The following GALNT13 variants were observed in gnomAD, a reference collection of about 807,000 sequenced individuals.
GALNT13 encodes polypeptide N-acetylgalactosaminyltransferase 13.
A neutral mutation model predicts 64.2 loss-of-function variants in GALNT13; 28 were observed. That is an observed-to-expected ratio of 0.44 (90% CI 0.32 to 0.60). The LOEUF (loss-of-function observed/expected upper bound fraction) is 0.60, where lower values mean the gene tolerates loss of function less well. Ranked by LOEUF, GALNT13 falls within the 20% of genes least tolerant of loss-of-function variation. GALNT13 has a pLI of 0.05. For missense variants in GALNT13, 577 were observed against 669.8 expected, an observed-to-expected ratio of 0.86 and a Z score of 1.53; for synonymous variants, 214 against 224.6, an observed-to-expected ratio of 0.95 and a Z score of 0.42.
chr2:154,053,670 A>G (rs999395161), intron 3 of GALNT13, among the ~76,000 whole-genome samples: 1 of 152,204 alleles, frequency 6.6e-6, no homozygotes, highest in South Asian at 2.1e-4. Flanking sequence ...AGCAATATCT[A>G]GGTATGTTGC....
the GALNT13 span, among the ~76,000 whole-genome samples, chr2:153,594,627 G>A: frequency 6.6e-6 from 1 of 151,874 alleles, no homozygotes; most frequent in Non-Finnish European, 1.5e-5. Flanking sequence ...CTTCCTAACT[G>A]CAGACCTATA....
the GALNT13 span, among the ~76,000 whole-genome samples, chr2:153,839,923 T>C: frequency 6.6e-6 from 1 of 152,018 alleles, no homozygotes; most frequent in African/African-American, 2.4e-5. Flanking sequence ...ACTGACTGTT[T>C]ATAGAGCCAG....
intron 8 of GALNT13, among the ~76,000 whole-genome samples, chr2:154,273,617 T>G (rs1188173318): frequency 1.3e-5 from 2 of 152,220 alleles, no homozygotes; most frequent in Admixed American, 1.3e-4. Flanking sequence ...ATCTTTTCTA[T>G]ATGTAGATAT....
At chr2:153,425,691 A>T in the GALNT13 span, among the ~76,000 whole-genome samples, 1 of 151,886 alleles carries the variant, frequency 6.6e-6, no homozygotes, top group African/African-American at 2.4e-5. Context: ...AATGCTATAC[A>T]TGTAAAAAGT....
the GALNT13 span, among the ~76,000 whole-genome samples, chr2:153,176,884 T>TA: frequency 3.3e-5 from 5 of 151,682 alleles, no homozygotes; most frequent in Non-Finnish European, 7.4e-5. Flanking sequence ...TTTTAAATGA[T>TA]AAAAAAAACT....
chr2:153,123,756 A>G, the GALNT13 span, among the ~76,000 whole-genome samples: 1 of 152,222 alleles, frequency 6.6e-6, no homozygotes, highest in Non-Finnish European at 1.5e-5. Context: ...GAGCCTTCAT[A>G]TTAATTGATA....
rs527755616 is a variant in GALNT13, at chr2:153,906,245, A to T, written c.-105+5238A>T. ...AATTTTTCTTTTTTTCTTTTTTTTT[A>T]AATTTTATTATTATTATACTTTAAG... On this transcript the variant is annotated intron_variant, in intron 2 of 12. Transcript: ENST00000392825. 5.4e-5 allele frequency among the ~76,000 whole-genome samples: 8 copies of T among 147,176 alleles called. No individual in the cohort carries two copies. The South Asian group carries it at 8.6e-4, about 16-fold the overall frequency.
At chr2:153,345,719 G>GTCCA in the GALNT13 span, among the ~76,000 whole-genome samples, 7 of 80,020 alleles carry the variant, frequency 8.7e-5, no homozygotes, top group East Asian at 3.6e-4. Context: ...CTCTCTTTCT[G>GTCCA]TCCTTCCTTC....
chr2:153,214,469 ACT>A, the GALNT13 span, among the ~76,000 whole-genome samples: 2 of 152,024 alleles, frequency 1.3e-5, no homozygotes, highest in African/African-American at 4.8e-5. Context: ...AACTGTACCC[ACT>A]CTCTATAAAA....
chr2:153,495,630 G>A, the GALNT13 span, among the ~76,000 whole-genome samples: 1 of 152,284 alleles, frequency 6.6e-6, no homozygotes, highest in South Asian at 2.1e-4. Flanking sequence ...TCAAAATGCT[G>A]ATTGAAAAAA....
intron 12 of GALNT13, chr2:154,445,761 A>G (rs1235828859): frequency 8.0e-7 from 1 of 1,255,058 alleles, no homozygotes; most frequent in South Asian, 1.3e-5. Flanking sequence ...AACAGGATTT[A>G]TTGTCTGCAC....
At chr2:154,357,838 C>A (rs898842780) in intron 9 of GALNT13, among the ~76,000 whole-genome samples, 9 of 151,962 alleles carry the variant, frequency 5.9e-5, no homozygotes, top group Non-Finnish European at 8.8e-5. Context: ...TGGTTTGCAG[C>A]TATTATGTTC....
chr2:153,806,470 C>T, the GALNT13 span, among the ~76,000 whole-genome samples: 5 of 151,698 alleles, frequency 3.3e-5, no homozygotes, highest in African/African-American at 9.7e-5. Flanking sequence ...AAAATATAGG[C>T]GGGAAATTAT....
At chr2:153,251,520 G>T in the GALNT13 span, among the ~76,000 whole-genome samples, 1 of 151,872 alleles carries the variant, frequency 6.6e-6, no homozygotes, top group Non-Finnish European at 1.5e-5. Flanking sequence ...TGCACAATGT[G>T]CAGGTAAGTT....
chr2:153,180,122 G>A, the GALNT13 span, among the ~76,000 whole-genome samples: 3 of 151,878 alleles, frequency 2.0e-5, no homozygotes, highest in Non-Finnish European at 4.4e-5. Flanking sequence ...TAGGGAAAAG[G>A]GTTCAATTTT....
At chr2:153,541,081 C>T in the GALNT13 span, among the ~76,000 whole-genome samples, 1 of 152,124 alleles carries the variant, frequency 6.6e-6, no homozygotes, top group African/African-American at 2.4e-5. Context: ...CAAATCTTAT[C>T]TTGAATTGTA....
At chr2:153,907,317 A>T (rs138317367) in intron 2 of GALNT13, among the ~76,000 whole-genome samples, 1 of 151,714 alleles carries the variant, frequency 6.6e-6, no homozygotes, top group Admixed American at 6.6e-5. Context: ...AAGATTATAT[A>T]TATACACACA....
chr2:154,092,785 A>C (rs1377079355), intron 3 of GALNT13, among the ~76,000 whole-genome samples: 9 of 152,126 alleles, frequency 5.9e-5, no homozygotes, highest in Admixed American at 4.6e-4. Context: ...TTGCAATAGG[A>C]AACATATATT....
the GALNT13 span, among the ~76,000 whole-genome samples, chr2:153,274,139 G>A: frequency 6.6e-6 from 1 of 152,138 alleles, no homozygotes; most frequent in Non-Finnish European, 1.5e-5. Flanking sequence ...GGAGGCGGAG[G>A]TGGCAGTGAG....
Sources: allele counts gnomAD v4.1 joint callset (sites outside exome capture counted in the v4.1 genomes callset), GRCh38; gene constraint gnomAD v4.1.1; transcripts MANE v1.5; gene names NCBI Gene and HGNC (gene_info 2026-07-23, HGNC 2026-07-21).